Variants in DENND2B observed in about 807,000 individuals in gnomAD.
DENND2B encodes DENN domain containing 2B.
In DENND2B, 32 loss-of-function variants were observed where a neutral mutation model predicts 116.0. The ratio of observed to expected loss-of-function variants is 0.28; its 90% CI spans 0.21 to 0.37. The LOEUF (loss-of-function observed/expected upper bound fraction) is 0.37. Ranked by LOEUF, DENND2B falls within the 10% of genes least tolerant of loss-of-function variation. The pLI is 1.00. For missense variants in DENND2B, 1,276 were observed against 1,477.7 expected (o/e 0.86, Z 2.24); for synonymous variants, 588 against 583.9 (o/e 1.01, Z -0.10).
chr11:8,712,685 T>C lies in DENND2B; in HGVS notation c.2038A>G (p.Ser680Gly). The change falls in exon 9 of 20, where the codon AGC becomes GGC. Residue 680 changes from serine to glycine, a missense_variant. Physicochemically the swap from Ser to Gly is moderately conservative, Grantham distance 56 (BLOSUM62 0). This residue lies in a region of DENND2B where 420 missense variants were observed against 631.1 expected (regional missense o/e 0.67). Transcript: ENST00000313726. The surrounding 1 kb of genome is among the most constrained non-coding windows in gnomAD (Gnocchi z 4.4). ...AGCTCCAGCTCCAGCGTGCGATAGCTGGGGGCGCGCTTCAGCATCGACTGG... is the reference window on the plus strand; with the variant it reads ...AGCTCCAGCTCCAGCGTGCGATAGCCGGGGGCGCGCTTCAGCATCGACTGG... The part of the protein sequence containing the change: ...HIQSMLKRAP[S>G]YRTLELELLE... 1 of 1,611,628 alleles carries C rather than the reference T, an allele frequency of 6.2e-7. No individual in the cohort carries two copies.
chr11:8,848,366 T>A (rs1383956023), intron 3 of DENND2B, among the ~76,000 whole-genome samples: 1 of 152,152 alleles, frequency 6.6e-6, no homozygotes, highest in Non-Finnish European at 1.5e-5. Context: ...ATCAATAATT[T>A]CCCATTAAAA....
At chr11:8,695,363 T>A in intron 19 of DENND2B, 100 bp downstream of exon 19, 2 of 1,110,278 alleles carry the variant, frequency 1.8e-6, no homozygotes, top group Non-Finnish European at 2.7e-6. Flanking sequence ...AGCCCCAGTA[T>A]AACACCTGTT....
At chr11:8,909,712 A>T (rs1392895857) in intron 1 of DENND2B, 1 of 152,228 alleles carries the variant, frequency 6.6e-6, no homozygotes, top group Non-Finnish European at 1.5e-5. Context: ...GTTAAGTAGC[A>T]TAGAAGGAGG....
At position 8,786,582 on chromosome 11, in the gene DENND2B, G is replaced by A. The variant is rs1036155904; in HGVS notation, c.-26+23935C>T. Among the ~76,000 whole-genome samples, 5 of 152,242 alleles carry A rather than the reference G, an allele frequency of 3.3e-5. No individual in the cohort carries two copies. In the East Asian group the frequency reaches 5.8e-4, roughly 18 times the overall value. On this transcript the variant is annotated intron_variant, in intron 1 of 19. Coordinates refer to ENST00000313726, the MANE Select transcript of DENND2B (RefSeq NM_213618.2). ...TCCCAGCACTTTGGGAGGCCAAGGC[G>A]GGAGGTCTCTTGAAACCAGGACTTT...
In DENND2B at chr11:8,702,930, A is replaced by C; in HGVS notation, c.2572-210T>G. 1.6e-6 allele frequency: 1 copy of C among 613,798 alleles called. No homozygotes were observed. Among genetic ancestry groups the C allele is most frequent in the Admixed American group, 3.1e-5 (1 of 31,904 alleles). 38.0% of individuals were successfully genotyped at this position (613,798 alleles called of 1,614,324 possible). On this transcript the variant is annotated intron_variant, in intron 13 of 19. Transcript: ENST00000313726. This position sits in a 1 kb window ranked among gnomAD's most constrained non-coding sequence, Gnocchi z 4.6. The stretch of plus-strand genomic sequence containing the variant: ...CTCGAACACCCAGCCTGTGGGCAAG[A>C]GGGCTGCCTGTGAAAGCGGGGAAGG...
intron 1 of DENND2B, among the ~76,000 whole-genome samples, chr11:8,765,463 T>G (rs2055542419): frequency 6.6e-6 from 1 of 152,216 alleles, no homozygotes; most frequent in Non-Finnish European, 1.5e-5. Context: ...AACAACAGAC[T>G]GCATTACATT....
At chr11:8,721,073 C>G (rs1414425030) in intron 4 of DENND2B, among the ~76,000 whole-genome samples, 4 of 152,164 alleles carry the variant, frequency 2.6e-5, no homozygotes, top group African/African-American at 9.7e-5. Context: ...TGGCCCTCAG[C>G]AAGCCCAGCT....
chr11:8,714,133 G>A, intron 7 of DENND2B, 91 bp from the exon 8 acceptor site: 1 of 1,317,118 alleles, frequency 7.6e-7, no homozygotes, highest in East Asian at 2.3e-5. Flanking sequence ...CACAGGGGAT[G>A]GATCTCTACC....
chr11:8,747,524 C>T (rs184243023), intron 2 of DENND2B, among the ~76,000 whole-genome samples: 252 of 152,278 alleles, frequency 1.7e-3, no homozygotes, highest in Middle Eastern at 0.01. Flanking sequence ...TCCAGTCCCA[C>T]CCCAGGTCAT....
chr11:8,859,704 T>A (rs531956988), intron 2 of DENND2B, among the ~76,000 whole-genome samples: 4 of 152,324 alleles, frequency 2.6e-5, no homozygotes, highest in Non-Finnish European at 4.4e-5. Flanking sequence ...AAGAACCATC[T>A]TCTCTTCAAG....
rs573760230 is a variant in DENND2B at position 8,736,537 on chromosome 11, G to A, written c.81-5328C>T. On this transcript the variant is annotated intron_variant, in intron 2 of 19. Coordinates refer to ENST00000313726, the MANE Select transcript of DENND2B (RefSeq NM_213618.2). ...AAAGAAGAATAAAGAAGGGGAAAGG[G>A]ATCAGAGATGAGCAGTAGAGATGAG... is the stretch of plus-strand genomic sequence containing the variant. Among the ~76,000 whole-genome samples the A allele has an allele frequency of 3.9e-5, 6 of 152,288 alleles. No homozygotes were observed. In the South Asian group the frequency reaches 1.2e-3, roughly 32 times the overall value.
chr11:8,907,234 A>G (rs934567626), intron 1 of DENND2B, among the ~76,000 whole-genome samples: 9 of 152,182 alleles, frequency 5.9e-5, no homozygotes, highest in Non-Finnish European at 1.3e-4. Context: ...TTTTCTGTCA[A>G]TACTGACAGT....
intron 1 of DENND2B, among the ~76,000 whole-genome samples, chr11:8,885,049 A>G (rs1242387179): frequency 1.3e-5 from 2 of 152,220 alleles, no homozygotes; most frequent in Non-Finnish European, 2.9e-5. Flanking sequence ...TCCCATTGGT[A>G]CCTGTGTGAC....
chr11:8,698,076 G>T, intron 16 of DENND2B: 1 of 312,134 alleles, frequency 3.2e-6, no homozygotes, highest in South Asian at 2.6e-5. Flanking sequence ...GGCAGGTCGA[G>T]GCTGCAGTGT....
At chr11:8,844,555 T>A (rs2062738950) in intron 3 of DENND2B, among the ~76,000 whole-genome samples, 1 of 87,108 alleles carries the variant, frequency 1.1e-5, no homozygotes, top group African/African-American at 3.9e-5. Flanking sequence ...TGCCTTTTTG[T>A]TAACTCTTAC....
At chr11:8,857,446 AAGAC>A (rs1299845893) in intron 2 of DENND2B, 1 of 152,254 alleles carries the variant, frequency 6.6e-6, no homozygotes, top group Non-Finnish European at 1.5e-5. Context: ...CCTGTAGAGA[AAGAC>A]AGAACAATAG....
chr11:8,857,072 A>T (rs1009939915), intron 3 of DENND2B, among the ~76,000 whole-genome samples: 3 of 152,144 alleles, frequency 2.0e-5, no homozygotes, highest in Non-Finnish European at 2.9e-5. Flanking sequence ...TTTTCACATC[A>T]GTATAATGTT....
intron 1 of DENND2B, among the ~76,000 whole-genome samples, chr11:8,754,064 A>ACACACACACACACAC (rs1565854666): frequency 1.0e-4 from 8 of 77,706 alleles, no homozygotes; most frequent in East Asian, 4.6e-4. Context: ...CACACACACA[A>ACACACACACACACAC]AGGACATGAA....
chr11:8,729,732 C>G (rs904296025), intron 3 of DENND2B, among the ~76,000 whole-genome samples: 1 of 152,176 alleles, frequency 6.6e-6, no homozygotes, highest in Non-Finnish European at 1.5e-5. Flanking sequence ...ACTCAGGTCC[C>G]AAGTATCCTG....
Sources: gnomAD v4.1 joint callset for allele counts (sites outside exome capture counted in the v4.1 genomes callset) on GRCh38, gnomAD v4.1.1 for gene constraint, gnomAD v4.1.1 regional missense constraint, Gnocchi (gnomAD v3.1) non-coding constraint, MANE v1.5 for transcripts, NCBI Gene and HGNC (gene_info 2026-07-23, HGNC 2026-07-21) for gene names.